SDK1: variants seen among roughly 807,000 people sequenced by gnomAD.
SDK1 encodes the protein sidekick cell adhesion molecule 1.
In SDK1, 157 loss-of-function variants were observed where a neutral mutation model predicts 245.5. The ratio of observed to expected loss-of-function variants is 0.64; its 90% confidence interval spans 0.56 to 0.73. The LOEUF is 0.73. SDK1 is among the 30% of genes least tolerant of loss of function. SDK1 has a pLI of 0.00. For synonymous variants in SDK1, 1,647 were observed against 1,278.5 expected (o/e 1.29, Z -6.15); for missense variants, 3,583 against 3,002.3 (o/e 1.19, Z -4.52).
chr7:3,309,098 G>C (rs1464012909), intron 1 of SDK1, among the ~76,000 whole-genome samples: 1 of 152,168 alleles, frequency 6.6e-6, no homozygotes, highest in South Asian at 2.1e-4. Context: ...TAAGGGTGCT[G>C]ATTTCCACAG....
intron 4 of SDK1, among the ~76,000 whole-genome samples, chr7:3,777,280 T>A (rs1265188328): frequency 1.3e-5 from 2 of 152,200 alleles, no homozygotes; most frequent in African/African-American, 2.4e-5. Flanking sequence ...TCAGATGCAG[T>A]GCACTAATTT....
intron 5 of SDK1, among the ~76,000 whole-genome samples, chr7:3,830,947 G>T (rs1303023982): frequency 6.6e-6 from 1 of 152,144 alleles, no homozygotes; most frequent in Non-Finnish European, 1.5e-5. Flanking sequence ...TATATTGAGA[G>T]TGACCCAAGA....
At chr7:3,495,673 A>T (rs934227385) in intron 1 of SDK1, among the ~76,000 whole-genome samples, 6 of 152,218 alleles carry the variant, frequency 3.9e-5, no homozygotes, top group Non-Finnish European at 8.8e-5. Context: ...ACTGTCACCA[A>T]CTACTCCGTG....
At chr7:3,827,935 C>A (rs534741897) in intron 5 of SDK1, among the ~76,000 whole-genome samples, 1 of 152,268 alleles carries the variant, frequency 6.6e-6, no homozygotes, top group South Asian at 2.1e-4. Context: ...AGTGAGATTT[C>A]AGCATTTATT....
intron 1 of SDK1, among the ~76,000 whole-genome samples, chr7:3,357,616 G>A (rs1780840023): frequency 6.6e-6 from 1 of 151,760 alleles, no homozygotes; most frequent in African/African-American, 2.4e-5. Flanking sequence ...CCGAAGTGCT[G>A]GGATGACAGG....
chr7:4,105,640 G>A (rs905806644), intron 22 of SDK1, among the ~76,000 whole-genome samples: 35 of 152,220 alleles, frequency 2.3e-4, no homozygotes, highest in African/African-American at 8.2e-4. Context: ...CTTTGACAGT[G>A]ATCTGCACTG....
chr7:3,616,324 G>T (rs1186964257), intron 1 of SDK1, among the ~76,000 whole-genome samples: 2 of 152,228 alleles, frequency 1.3e-5, no homozygotes, highest in Non-Finnish European at 1.5e-5. Context: ...AGCATGGACA[G>T]TCACGCAACG....
At chr7:3,965,252 T>C (rs10277771) in intron 9 of SDK1, among the ~76,000 whole-genome samples, 57,763 of 151,856 alleles carry the variant, frequency 0.38, 12,065 homozygotes, top group African/African-American at 0.56. Context: ...TCCATTCCAG[T>C]GAGAGACTTA....
At chr7:3,993,831 T>C (rs1398794348) in intron 14 of SDK1, among the ~76,000 whole-genome samples, 1 of 152,184 alleles carries the variant, frequency 6.6e-6, no homozygotes, top group African/African-American at 2.4e-5. Flanking sequence ...TCACGCATTC[T>C]ATCTACTCTT....
intron 16 of SDK1, among the ~76,000 whole-genome samples, chr7:4,014,840 G>A (rs1786267832): frequency 6.6e-6 from 1 of 152,166 alleles, no homozygotes; most frequent in Non-Finnish European, 1.5e-5. Context: ...GACCTTCTTA[G>A]ACATCCTGTG....
chr7:3,834,006 A>C (rs1301653351), intron 5 of SDK1, among the ~76,000 whole-genome samples: 2 of 152,176 alleles, frequency 1.3e-5, no homozygotes, highest in African/African-American at 4.8e-5. Flanking sequence ...TATCATCTCA[A>C]CCTGGAAGGA....
chr7:4,135,148 C>G (rs1778984057), intron 28 of SDK1, among the ~76,000 whole-genome samples: 1 of 152,228 alleles, frequency 6.6e-6, no homozygotes, highest in African/African-American at 2.4e-5. Flanking sequence ...CTGTCTCTGA[C>G]ATTTCTTTTT....
intron 35 of SDK1, among the ~76,000 whole-genome samples, chr7:4,185,833 C>T (rs577679500): frequency 3.3e-5 from 4 of 122,512 alleles, no homozygotes; most frequent in Non-Finnish European, 1.6e-5. Flanking sequence ...GAGAGAAACA[C>T]ATTTAGACAG....
chr7:4,073,123 A>G lies in SDK1; in HGVS notation c.3011-3875A>G, dbSNP rs559203707. Among the ~76,000 whole-genome samples the G allele has an allele frequency of 3.3e-5, 5 of 152,310 alleles. No homozygotes were observed. The South Asian group carries it at 1.0e-3, about 32-fold the overall frequency. ...TAGGCAGCCATTGGGAGCAGGTAGG[A>G]TGCCAAGCGGGAGGTACCCCCGCTC... On this transcript the variant is annotated intron_variant, in intron 20 of 44. Transcript: ENST00000404826.
chr7:4,008,252 G>A (rs797018022), intron 14 of SDK1, among the ~76,000 whole-genome samples: 4 of 152,368 alleles, frequency 2.6e-5, no homozygotes, highest in African/African-American at 7.2e-5. Context: ...AGTAGACATT[G>A]TATGGACAGA....
At chr7:3,680,653 A>T (rs1431753315) in intron 4 of SDK1, among the ~76,000 whole-genome samples, 1 of 152,146 alleles carries the variant, frequency 6.6e-6, no homozygotes, top group Non-Finnish European at 1.5e-5. Context: ...TAGTGATTTT[A>T]AAATACAGGT....
chr7:3,495,869 C>A (rs148745793), intron 1 of SDK1, among the ~76,000 whole-genome samples: 1 of 152,336 alleles, frequency 6.6e-6, no homozygotes, highest in African/African-American at 2.4e-5. Context: ...GAGATGCCAG[C>A]GGTCTCCTGA....
intron 4 of SDK1, among the ~76,000 whole-genome samples, chr7:3,644,276 A>G (rs947912894): frequency 6.0e-5 from 9 of 148,944 alleles, no homozygotes; most frequent in Admixed American, 4.7e-4. Flanking sequence ...TGCATGCAGC[A>G]TATTTTAAAA....
At chr7:3,377,363 T>C (rs1397309855) in intron 1 of SDK1, among the ~76,000 whole-genome samples, 1 of 152,132 alleles carries the variant, frequency 6.6e-6, no homozygotes, top group Non-Finnish European at 1.5e-5. Flanking sequence ...GTTTTCTCTG[T>C]AGTTGTGTGG....
Sources: allele counts gnomAD v4.1 joint callset (sites outside exome capture counted in the v4.1 genomes callset), GRCh38; gene constraint gnomAD v4.1.1; transcripts MANE v1.5; gene names NCBI Gene and HGNC (gene_info 2026-07-23, HGNC 2026-07-21).